Variants in MYO16 observed in about 807,000 individuals in gnomAD.
MYO16 encodes the protein myosin XVI.
Under a neutral mutation model 205.3 loss-of-function variants are expected in MYO16, and 94 were observed. The ratio of observed to expected loss-of-function variants is 0.46; its 90% CI spans 0.39 to 0.54. The LOEUF is 0.54. Among genes scored for constraint, MYO16 ranks in the 20% least tolerant of loss-of-function variants. The probability of loss-of-function intolerance (pLI) is 0.00; values close to 1 mark genes in which losing one functional copy is unlikely to be tolerated. For missense variants in MYO16, 2,315 were observed against 2,387.5 expected, an observed-to-expected ratio of 0.97 and a Z score of 0.63; for synonymous variants, 988 against 954.0, an observed-to-expected ratio of 1.04 and a Z score of -0.66.
chr13:109,039,613 G>A (rs1724596226), intron 23 of MYO16, among the ~76,000 whole-genome samples: 1 of 152,134 alleles, frequency 6.6e-6, no homozygotes, highest in Non-Finnish European at 1.5e-5. Context: ...GATAAAAGGG[G>A]AAATCGTGAC....
chr13:109,185,948 C>CT (rs918502663), intron 34 of MYO16, among the ~76,000 whole-genome samples: 5 of 151,938 alleles, frequency 3.3e-5, no homozygotes, highest in Admixed American at 6.6e-5. Flanking sequence ...TGTGGTGGGA[C>CT]TTTTTTTTCC....
intron 4 of MYO16, among the ~76,000 whole-genome samples, chr13:108,740,939 G>T (rs1884886033): frequency 6.6e-6 from 1 of 152,166 alleles, no homozygotes; most frequent in Non-Finnish European, 1.5e-5. Flanking sequence ...GAGCCATGTT[G>T]GGGATATAAT....
At position 109,156,847 on chromosome 13, in the gene MYO16, C is replaced by T. The variant is rs571036108; in HGVS notation, c.5165-8054C>T. On this transcript the variant is annotated intron_variant, in intron 32 of 34. Coordinates refer to ENST00000457511, the MANE Select transcript of MYO16 (RefSeq NM_001198950.3). ...CCTGGGCGTCCCCTCCTGCTACCTC[C>T]TCACACTCGAGAGTGTCTCTTCCTT... 3.9e-3 allele frequency among the ~76,000 whole-genome samples: 601 copies of T among 152,352 alleles called. 1 individual carries two copies. Among genetic ancestry groups the T allele is most frequent in the Middle Eastern group, 6.8e-3 (2 of 294 alleles).
intron 33 of MYO16, among the ~76,000 whole-genome samples, chr13:109,169,434 C>A (rs1341669243): frequency 6.6e-6 from 1 of 151,906 alleles, no homozygotes; most frequent in Non-Finnish European, 1.5e-5. Flanking sequence ...AAAAAATTAT[C>A]TTTGAAAACA....
intron 23 of MYO16, among the ~76,000 whole-genome samples, chr13:109,031,178 G>A (rs61970231): frequency 0.033 from 5,037 of 152,144 alleles, 117 homozygotes; most frequent in Non-Finnish European, 0.05. Flanking sequence ...TGAAACCTCT[G>A]CCTCCCAGAT....
intron 16 of MYO16, among the ~76,000 whole-genome samples, chr13:108,930,472 T>C (rs1432409821): frequency 6.6e-6 from 1 of 152,184 alleles, no homozygotes; most frequent in African/African-American, 2.4e-5. Context: ...TGATCAATCA[T>C]AGGAAATTTA....
chr13:109,080,582 A>G (rs201955979), intron 27 of MYO16, among the ~76,000 whole-genome samples: 80,039 of 148,450 alleles, frequency 0.54, 21,714 homozygotes, highest in Non-Finnish European at 0.6. Context: ...CCCTCTTCAA[A>G]AAAAAAAAAA....
chr13:108,849,694 C>T (rs1278299897), intron 10 of MYO16, among the ~76,000 whole-genome samples: 1 of 137,810 alleles, frequency 7.3e-6, no homozygotes, highest in Non-Finnish European at 1.5e-5. Context: ...TTATTTGTGC[C>T]TAGACTGCCT....
intron 5 of MYO16, among the ~76,000 whole-genome samples, chr13:108,786,776 C>T (rs1250048801): frequency 6.6e-6 from 1 of 152,206 alleles, no homozygotes; most frequent in Non-Finnish European, 1.5e-5. Flanking sequence ...CTGCTCACAT[C>T]GTCACCAAGT....
the MYO16 span, among the ~76,000 whole-genome samples, chr13:108,516,100 T>A: frequency 6.7e-6 from 1 of 150,212 alleles, no homozygotes; most frequent in East Asian, 2.0e-4. Flanking sequence ...CAGTTTGATC[T>A]CAGACTGCTG....
intron 27 of MYO16, among the ~76,000 whole-genome samples, chr13:109,083,611 A>C (rs998328289): frequency 6.6e-6 from 1 of 152,102 alleles, no homozygotes; most frequent in Non-Finnish European, 1.5e-5. Flanking sequence ...CAAGAATCAA[A>C]AGCTCCATGA....
intron 21 of MYO16, among the ~76,000 whole-genome samples, chr13:109,006,851 G>C (rs1450969746): frequency 6.6e-6 from 1 of 152,098 alleles, no homozygotes; most frequent in Non-Finnish European, 1.5e-5. Flanking sequence ...GCAGAGAAGA[G>C]ACAAGGTCCA....
At position 109,055,348 on chromosome 13, in the gene MYO16, G is replaced by A. The variant is rs1190982464; in HGVS notation, c.3130-42G>A. On this transcript the variant is annotated intron_variant, in intron 26 of 34. Transcript: ENST00000457511. The surrounding 1 kb of genome is among the most constrained non-coding windows in gnomAD (Gnocchi z 5.0). Reference sequence around the variant, plus strand: ...AAACTGCTTTATATTTTTAGCTAGTGTCTCCTTTGGAGAATCAGTTGGGTT... The same window carrying A: ...AAACTGCTTTATATTTTTAGCTAGTATCTCCTTTGGAGAATCAGTTGGGTT... 2 of 1,484,608 alleles carry A rather than the reference G, an allele frequency of 1.3e-6. No individual in the cohort carries two copies. Among genetic ancestry groups the A allele is most frequent in the South Asian group, 2.4e-5 (2 of 84,866 alleles). 92.0% of individuals were successfully genotyped at this position (1,484,608 alleles called of 1,614,324 possible). A position where few individuals can be genotyped will look rare whatever the true frequency, so the allele number is the denominator to read the frequency against.
intron 16 of MYO16, among the ~76,000 whole-genome samples, chr13:108,920,348 T>A (rs1881686789): frequency 6.6e-6 from 1 of 151,992 alleles, no homozygotes; most frequent in South Asian, 2.1e-4. Context: ...TCTTTTTCTT[T>A]CTTTTTTCTT....
chr13:108,617,214 A>G (rs1879379076), intron 1 of MYO16, among the ~76,000 whole-genome samples: 1 of 152,152 alleles, frequency 6.6e-6, no homozygotes, highest in Admixed American at 6.5e-5. Context: ...GAGATCCCCA[A>G]GAGCGCTGGA....
At chr13:108,724,642 G>A (rs191947211) in intron 3 of MYO16, among the ~76,000 whole-genome samples, 10 of 151,778 alleles carry the variant, frequency 6.6e-5, no homozygotes, top group South Asian at 2.1e-4. Flanking sequence ...GCGGTATTAC[G>A]CACGGTGCAT....
chr13:108,888,344 TTA>T (rs1879999260), intron 13 of MYO16, 26 bp from the exon 14 acceptor site: 2 of 1,508,900 alleles, frequency 1.3e-6, no homozygotes, highest in Non-Finnish European at 9.0e-7. Context: ...TCCTTCAAAC[TTA>T]TGTTTTTCCT....
At position 109,027,976 on chromosome 13, in the gene MYO16, C is replaced by T. The variant is rs190232641; in HGVS notation, c.2796+8065C>T. ...AAAGTAAGTGGTAAAGTGTCCTTGA[C>T]TTGTTTAAAAAAAACAGAGTCAATT... On this transcript the variant is annotated intron_variant, in intron 23 of 34. Transcript: ENST00000457511. Among the ~76,000 whole-genome samples the T allele has an allele frequency of 2.6e-4, 39 of 152,046 alleles. No individual in the cohort carries two copies. In the Middle Eastern group the frequency reaches 0.014, roughly 53 times the overall value.
chr13:108,904,809 C>T (rs1397544920), intron 15 of MYO16, among the ~76,000 whole-genome samples: 1 of 152,144 alleles, frequency 6.6e-6, no homozygotes, highest in Non-Finnish European at 1.5e-5. Context: ...CCACTTAGGG[C>T]CTGTTCCTGG....
Sources: allele counts gnomAD v4.1 joint callset (sites outside exome capture counted in the v4.1 genomes callset), GRCh38; gene constraint gnomAD v4.1.1; non-coding constraint Gnocchi (gnomAD v3.1); transcripts MANE v1.5; gene names NCBI Gene and HGNC (gene_info 2026-07-23, HGNC 2026-07-21).